Variants in ZNF883 observed in about 807,000 individuals in gnomAD.
ZNF883 encodes the protein zinc finger protein 883.
intron 2 of ZNF883, among the ~76,000 whole-genome samples, chr9:113,005,283 AAG>A (rs761838715): frequency 6.6e-6 from 1 of 152,192 alleles, no homozygotes; most frequent in Admixed American, 6.5e-5. Flanking sequence ...ATAAAGCAAA[AAG>A]GACCATTTTC....
At chr9:113,007,250 A>G (rs1315429169) in intron 2 of ZNF883, among the ~76,000 whole-genome samples, 2 of 152,258 alleles carry the variant, frequency 1.3e-5, no homozygotes, top group African/African-American at 4.8e-5. Context: ...TAGATGTTTT[A>G]ATGAACACTC....
chr9:113,008,382 G>C (rs1014585704), intron 2 of ZNF883, among the ~76,000 whole-genome samples: 1 of 152,116 alleles, frequency 6.6e-6, no homozygotes, highest in Non-Finnish European at 1.5e-5. Context: ...AAGGGTTTGG[G>C]AGGGAATGGT....
downstream of ZNF883, among the ~76,000 whole-genome samples, chr9:112,994,861 T>C (rs1200652073): frequency 1.3e-5 from 2 of 152,172 alleles, no homozygotes; most frequent in Non-Finnish European, 2.9e-5. Context: ...ATTATTGCTA[T>C]CTTTTTTTTC....
At chr9:113,000,972 C>T (rs1017547918), upstream of ZNF883, among the ~76,000 whole-genome samples, 1 of 151,888 alleles carries the variant, frequency 6.6e-6, no homozygotes, top group Admixed American at 6.6e-5. Flanking sequence ...GTGAAGTTAA[C>T]AAAAAAGCAT....
exon 1 of ZNF883, chr9:112,997,293 A>C: frequency 1.2e-6 from 2 of 1,614,162 alleles, no homozygotes; most frequent in Non-Finnish European, 1.7e-6. Context: ...CATTCATTAC[A>C]CTGGTAGGGT....
intron 1 of ZNF883, among the ~76,000 whole-genome samples, chr9:112,991,507 T>C (rs893507678): frequency 2.6e-5 from 4 of 152,128 alleles, no homozygotes; most frequent in Non-Finnish European, 5.9e-5. Context: ...CTTCCAATTA[T>C]GTGATCAATT....
intron 1 of ZNF883, among the ~76,000 whole-genome samples, chr9:112,989,715 T>C (rs1828283135): frequency 6.6e-6 from 1 of 152,232 alleles, no homozygotes; most frequent in Non-Finnish European, 1.5e-5. Context: ...TTGAGCAGCA[T>C]GGCCATTTTC....
chr9:113,002,530 G>A (rs1232654090), upstream of ZNF883, among the ~76,000 whole-genome samples: 1 of 152,144 alleles, frequency 6.6e-6, no homozygotes, highest in Non-Finnish European at 1.5e-5. Flanking sequence ...TGACAGTAGG[G>A]AAAACTGGCT....
chr9:112,997,695 C>T, exon 1 of ZNF883: 1 of 1,612,810 alleles, frequency 6.2e-7, no homozygotes, highest in South Asian at 1.1e-5. Context: ...TGGCAAAAAA[C>T]TTTCCGACAT....
chr9:112,998,394 T>C, upstream of ZNF883: 1 of 667,074 alleles, frequency 1.5e-6, no homozygotes, highest in South Asian at 4.9e-5. Context: ...TCTAATAAAT[T>C]ATTTTTCATT....
upstream of ZNF883, among the ~76,000 whole-genome samples, chr9:113,000,078 G>A (rs1828408571): frequency 6.6e-6 from 1 of 152,104 alleles, no homozygotes; most frequent in African/African-American, 2.4e-5. Context: ...GAAATCTGGA[G>A]GGCTTTCAAA....
chr9:112,997,804 T>C (rs1296436312), exon 1 of ZNF883: 2 of 1,613,260 alleles, frequency 1.2e-6, no homozygotes, highest in East Asian at 2.2e-5. Context: ...TACATTCATA[T>C]GGTTTCTTTC....
At chr9:113,005,522 T>A (rs1828465953) in intron 2 of ZNF883, among the ~76,000 whole-genome samples, 1 of 152,204 alleles carries the variant, frequency 6.6e-6, no homozygotes, top group African/African-American at 2.4e-5. Context: ...CTGTTTTAAG[T>A]ATTGGGAAAA....
intron 2 of ZNF883, among the ~76,000 whole-genome samples, chr9:113,009,536 G>T (rs1828511389): frequency 6.6e-6 from 1 of 150,668 alleles, no homozygotes; most frequent in Non-Finnish European, 1.5e-5. Context: ...TTGAGACAGA[G>T]TCTTGTTCTG....
At chr9:112,998,105 C>T (rs374489167) in exon 1 of ZNF883, 67 of 1,613,680 alleles carry the variant, frequency 4.2e-5, no homozygotes, top group African/African-American at 5.3e-5. Flanking sequence ...ATTACTGTTC[C>T]GGGTAAAGGA....
At chr9:112,997,378 T>C (rs1327692789) in exon 1 of ZNF883, 1 of 1,614,032 alleles carries the variant, frequency 6.2e-7, no homozygotes, top group Non-Finnish European at 8.5e-7. Flanking sequence ...ATTCATTACA[T>C]TGATAGGGTT....
At chr9:112,996,116 T>C (rs1828351545), downstream of ZNF883, among the ~76,000 whole-genome samples, 1 of 152,198 alleles carries the variant, frequency 6.6e-6, no homozygotes, top group South Asian at 2.1e-4. Flanking sequence ...CCAAAATTAC[T>C]TAGAAACTTA....
downstream of ZNF883, among the ~76,000 whole-genome samples, chr9:112,995,755 G>C (rs939889297): frequency 6.6e-6 from 1 of 152,054 alleles, no homozygotes; most frequent in Non-Finnish European, 1.5e-5. Context: ...AAATAGTCTA[G>C]AAGTTCTAAA....
At chr9:113,006,398 A>C (rs575688469) in intron 2 of ZNF883, among the ~76,000 whole-genome samples, 1 of 152,210 alleles carries the variant, frequency 6.6e-6, no homozygotes, top group East Asian at 1.9e-4. Flanking sequence ...CCTGCTCCCC[A>C]TGCTACTATA....
Sources: gnomAD v4.1 joint callset for allele counts (sites outside exome capture counted in the v4.1 genomes callset) on GRCh38, gnomAD v4.1.1 for gene constraint, MANE v1.5 for transcripts, NCBI Gene and HGNC (gene_info 2026-07-23, HGNC 2026-07-21) for gene names.